AK5: variants seen among roughly 807,000 people sequenced by gnomAD.
AK5 encodes adenylate kinase isoenzyme 5.
Under a neutral mutation model 69.5 loss-of-function variants are expected in AK5, and 27 were observed. The ratio of observed to expected loss-of-function variants is 0.39; its 90% CI spans 0.29 to 0.54. The LOEUF (loss-of-function observed/expected upper bound fraction) is 0.54. Among genes scored for constraint, AK5 ranks in the 20% least tolerant of loss-of-function variants. AK5 has a pLI of 0.71. For missense variants in AK5, 531 were observed against 700.4 expected, an observed-to-expected ratio of 0.76 and a Z score of 2.73; for synonymous variants, 260 against 244.4, an observed-to-expected ratio of 1.06 and a Z score of -0.60.
intron 6 of AK5, among the ~76,000 whole-genome samples, chr1:77,404,325 C>CT (rs1218169121): frequency 6.6e-6 from 1 of 152,050 alleles, no homozygotes; most frequent in Non-Finnish European, 1.5e-5. Context: ...CCCCCTGACC[C>CT]CCTGCAAGTG....
intron 10 of AK5, among the ~76,000 whole-genome samples, chr1:77,516,627 A>G (rs1453149945): frequency 6.6e-6 from 1 of 151,112 alleles, no homozygotes; most frequent in East Asian, 1.9e-4. Context: ...AGAAGAACAA[A>G]AGCGTGGTAG....
intron 10 of AK5, among the ~76,000 whole-genome samples, chr1:77,492,200 A>C (rs911726157): frequency 9.9e-5 from 15 of 152,136 alleles, no homozygotes; most frequent in African/African-American, 3.6e-4. Context: ...AAATATTAAA[A>C]TGATGTGTGC....
At chr1:77,364,302 T>C (rs1419876250) in intron 6 of AK5, among the ~76,000 whole-genome samples, 1 of 152,336 alleles carries the variant, frequency 6.6e-6, no homozygotes, top group Middle Eastern at 3.4e-3. Context: ...TTTCAGTACA[T>C]GTAAGGTGCA....
At position 77,510,598 on chromosome 1, in the gene AK5, A is replaced by G. The variant is rs567051295; in HGVS notation, c.1148-7966A>G. 2.0e-5 allele frequency among the ~76,000 whole-genome samples: 3 copies of G among 151,970 alleles called. No homozygotes were observed. In the South Asian group the frequency reaches 6.2e-4, roughly 32 times the overall value. ...CAATGGTAGAAATATTTTCATTTGG[A>G]CTAGGGAGAACCGAGCTGATGTTAT... On this transcript the variant is annotated intron_variant, in intron 10 of 13. Transcript: ENST00000354567.
intron 13 of AK5, among the ~76,000 whole-genome samples, chr1:77,541,557 A>G (rs931580819): frequency 6.6e-6 from 1 of 152,158 alleles, no homozygotes; most frequent in Non-Finnish European, 1.5e-5. Flanking sequence ...ACTGAGCCAG[A>G]CTCTGTGGTT....
intron 6 of AK5, among the ~76,000 whole-genome samples, chr1:77,351,634 G>C (rs1305719869): frequency 6.6e-6 from 1 of 152,146 alleles, no homozygotes; most frequent in Non-Finnish European, 1.5e-5. Context: ...GGGCTGGGAA[G>C]CCACAGCTAT....
chr1:77,518,777 C>A, intron 11 of AK5, 50 bp downstream of exon 11: 1 of 1,570,200 alleles, frequency 6.4e-7, no homozygotes, highest in Non-Finnish European at 8.7e-7. Context: ...TCTGGGGAGA[C>A]CTTTGGGGTT....
chr1:77,349,535 G>C (rs138136440), intron 6 of AK5: 2 of 152,096 alleles, frequency 1.3e-5, no homozygotes, highest in Non-Finnish European at 2.9e-5. Flanking sequence ...CTTTCTCCAG[G>C]CACTTGTCAT....
In AK5 at chr1:77,353,122, C is replaced by A. The variant is rs542171027; in HGVS notation, c.891+12554C>A. ...CTAACATACTGTATCCAGTGCAGCG[C>A]CAACTGATTTACACATTTTTAACTA... On this transcript the variant is annotated intron_variant, in intron 6 of 13. Transcript: ENST00000354567. Among the ~76,000 whole-genome samples the A allele has an allele frequency of 2.0e-5, 3 of 152,232 alleles. No homozygotes were observed. The South Asian group carries it at 6.2e-4, about 32-fold the overall frequency.
At chr1:77,540,805 A>G (rs6696083) in intron 13 of AK5, 101,415 of 152,174 alleles carry the variant, frequency 0.67, 34,888 homozygotes, top group Non-Finnish European at 0.76. Context: ...GCTTTATAAA[A>G]TATAGAAAAC....
chr1:77,324,869 C>T (rs1043866974), intron 5 of AK5, among the ~76,000 whole-genome samples: 2 of 152,102 alleles, frequency 1.3e-5, no homozygotes, highest in Non-Finnish European at 2.9e-5. Context: ...TTAGCTTCCT[C>T]TTCTGGATGT....
intron 5 of AK5, among the ~76,000 whole-genome samples, chr1:77,310,222 A>G (rs1659868093): frequency 6.6e-6 from 1 of 152,100 alleles, no homozygotes; most frequent in Admixed American, 6.5e-5. Context: ...CATTGAAATG[A>G]CTTATTCCTG....
chr1:77,491,683 A>G (rs1418865296), intron 10 of AK5, among the ~76,000 whole-genome samples: 1 of 152,240 alleles, frequency 6.6e-6, no homozygotes, highest in African/African-American at 2.4e-5. Context: ...ATTTGGTTAA[A>G]TTAAATATGA....
intron 10 of AK5, among the ~76,000 whole-genome samples, chr1:77,491,304 ATTT>A (rs10700619): frequency 2.3e-5 from 2 of 87,368 alleles, no homozygotes; most frequent in East Asian, 3.2e-4. Flanking sequence ...CATGAATTGA[ATTT>A]TTTTTTTTTT....
At chr1:77,391,384 A>G (rs1570488573) in intron 6 of AK5, among the ~76,000 whole-genome samples, 1 of 143,002 alleles carries the variant, frequency 7.0e-6, no homozygotes, top group Admixed American at 7.0e-5. Flanking sequence ...TTTATGCAAA[A>G]AAAAAAATAT....
At position 77,512,229 on chromosome 1, in the gene AK5, A is replaced by G. The variant is rs188595966; in HGVS notation, c.1148-6335A>G. ...CACATACGCTGTCACATATATACGT[A>G]TGTGTGTGTGTGTGAGAGAGAGAGA... On this transcript the variant is annotated intron_variant, in intron 10 of 13. Transcript: ENST00000354567. Among the ~76,000 whole-genome samples the G allele has an allele frequency of 3.3e-3, 506 of 152,018 alleles. 4 individuals carry two copies. The highest frequency in any genetic ancestry group is 0.012 in the African/African-American group (480 of 41,502).
intron 8 of AK5, among the ~76,000 whole-genome samples, chr1:77,450,174 C>G (rs1310422968): frequency 5.9e-5 from 9 of 152,160 alleles, no homozygotes; most frequent in Non-Finnish European, 1.5e-5. Flanking sequence ...CCTTGTTGTT[C>G]GTATCACTAT....
intron 10 of AK5, among the ~76,000 whole-genome samples, chr1:77,516,434 A>T (rs542934170): frequency 6.6e-6 from 1 of 152,264 alleles, no homozygotes; most frequent in Admixed American, 6.5e-5. Flanking sequence ...ACCAGAAAAA[A>T]AAAAGATTAT....
intron 10 of AK5, among the ~76,000 whole-genome samples, chr1:77,489,688 T>G (rs1277406341): frequency 1.3e-5 from 2 of 152,212 alleles, no homozygotes; most frequent in Admixed American, 1.3e-4. Flanking sequence ...AGAGTCTAGG[T>G]TGACATCCTC....
Sources: allele counts gnomAD v4.1 joint callset (sites outside exome capture counted in the v4.1 genomes callset), GRCh38; gene constraint gnomAD v4.1.1; transcripts MANE v1.5; gene names NCBI Gene and HGNC (gene_info 2026-07-23, HGNC 2026-07-21).